The following SGCZ variants were observed in gnomAD, a reference collection of about 807,000 sequenced individuals.
The protein encoded by SGCZ is zeta-sarcoglycan.
Under a neutral mutation model 41.3 loss-of-function variants are expected in SGCZ, and 40 were observed. The ratio of observed to expected loss-of-function variants is 0.97; its 90% CI spans 0.75 to 1.26. The LOEUF is 1.26. SGCZ is among the 50% of genes most tolerant of loss of function. The pLI is 0.00. For synonymous variants in SGCZ, 206 were observed against 137.5 expected (o/e 1.50, Z -3.49); for missense variants, 552 against 369.8 (o/e 1.49, Z -4.04).
At chr8:14,580,658 G>A (rs1156545050) in intron 1 of SGCZ, among the ~76,000 whole-genome samples, 1 of 152,144 alleles carries the variant, frequency 6.6e-6, no homozygotes, top group Non-Finnish European at 1.5e-5. Flanking sequence ...CATGGATTAG[G>A]ACAAAATTAG....
At chr8:14,273,755 G>C (rs1186878354) in intron 3 of SGCZ, among the ~76,000 whole-genome samples, 1 of 152,062 alleles carries the variant, frequency 6.6e-6, no homozygotes, top group East Asian at 1.9e-4. Context: ...ATCCAATGCA[G>C]CCTAGATACT....
intron 3 of SGCZ, among the ~76,000 whole-genome samples, chr8:14,302,702 G>C (rs73666515): frequency 6.6e-6 from 1 of 152,058 alleles, no homozygotes; most frequent in African/African-American, 2.4e-5. Flanking sequence ...TGGGATTCAA[G>C]CTTCACCTGT....
chr8:14,301,117 C>T (rs1801171592), intron 3 of SGCZ, among the ~76,000 whole-genome samples: 1 of 151,830 alleles, frequency 6.6e-6, no homozygotes. Context: ...ATCCTCTCAT[C>T]CTTGTCACCT....
intron 1 of SGCZ, among the ~76,000 whole-genome samples, chr8:15,150,601 G>C (rs1799151423): frequency 6.6e-6 from 1 of 152,158 alleles, no homozygotes; most frequent in Non-Finnish European, 1.5e-5. Context: ...TACTTGAACT[G>C]AACAAGTATG....
At chr8:15,025,828 T>C (rs543921194) in intron 1 of SGCZ, among the ~76,000 whole-genome samples, 16 of 152,204 alleles carry the variant, frequency 1.1e-4, no homozygotes, top group Non-Finnish European at 1.9e-4. Flanking sequence ...ACTCTACATG[T>C]AAAGTAATCC....
chr8:15,077,506 GTCAA>G (rs752459669), intron 1 of SGCZ, among the ~76,000 whole-genome samples: 5 of 152,194 alleles, frequency 3.3e-5, no homozygotes, highest in African/African-American at 4.8e-5. Flanking sequence ...CCATATGGCA[GTCAA>G]TCAAAGAAAT....
chr8:14,541,854 G>T (rs141646285), intron 2 of SGCZ, among the ~76,000 whole-genome samples: 2 of 152,074 alleles, frequency 1.3e-5, no homozygotes, highest in African/African-American at 4.8e-5. Flanking sequence ...TCTCATTGTG[G>T]TTTTGATTTC....
At chr8:14,126,978 G>T (rs1802880830) in intron 5 of SGCZ, among the ~76,000 whole-genome samples, 1 of 151,958 alleles carries the variant, frequency 6.6e-6, no homozygotes, top group Admixed American at 6.6e-5. Flanking sequence ...GGGCCATCTG[G>T]GGGGTCAGGG....
At chr8:14,445,036 C>T (rs116753678) in intron 2 of SGCZ, among the ~76,000 whole-genome samples, 1,554 of 152,282 alleles carry the variant, frequency 0.01, 32 homozygotes, top group African/African-American at 0.035. Flanking sequence ...AGGATAGGTC[C>T]ATCTCAGCAC....
chr8:15,021,167 T>G (rs1050779080), intron 1 of SGCZ, among the ~76,000 whole-genome samples: 2 of 152,248 alleles, frequency 1.3e-5, no homozygotes, highest in African/African-American at 2.4e-5. Context: ...GCTAAAATGC[T>G]GCTGCACCTG....
intron 1 of SGCZ, among the ~76,000 whole-genome samples, chr8:15,107,587 G>A (rs964253861): frequency 1.3e-5 from 2 of 152,196 alleles, no homozygotes; most frequent in Non-Finnish European, 2.9e-5. Flanking sequence ...CAGAAGCCAA[G>A]CAATTGCCAG....
chr8:14,309,373 C>G (rs1801452245), intron 3 of SGCZ: 1 of 1,604,886 alleles, frequency 6.2e-7, no homozygotes, highest in South Asian at 1.1e-5. Flanking sequence ...TTACATTGAA[C>G]AGTCAGCAGA....
intron 1 of SGCZ, among the ~76,000 whole-genome samples, chr8:14,674,984 G>A (rs1808227696): frequency 8.1e-6 from 1 of 123,016 alleles, no homozygotes; most frequent in Non-Finnish European, 1.6e-5. Flanking sequence ...TGTCGTCCAG[G>A]CTGAAGTACA....
chr8:14,933,890 T>C (rs1440869441), intron 1 of SGCZ, among the ~76,000 whole-genome samples: 1 of 152,038 alleles, frequency 6.6e-6, no homozygotes, highest in African/African-American at 2.4e-5. Flanking sequence ...AATGGATGGG[T>C]GAACATTAAA....
At chr8:15,151,353 C>A (rs1799176027) in intron 1 of SGCZ, among the ~76,000 whole-genome samples, 1 of 152,210 alleles carries the variant, frequency 6.6e-6, no homozygotes, top group Non-Finnish European at 1.5e-5. Context: ...TTGTTCAAGC[C>A]ATTCAACTCT....
intron 1 of SGCZ, among the ~76,000 whole-genome samples, chr8:14,961,588 C>A (rs1352313151): frequency 1.7e-4 from 26 of 152,052 alleles, no homozygotes; most frequent in Non-Finnish European, 1.5e-5. Flanking sequence ...ATAAATTAAA[C>A]TTTATCACAT....
chr8:14,443,837 T>G (rs555191926), intron 2 of SGCZ, among the ~76,000 whole-genome samples: 3 of 152,250 alleles, frequency 2.0e-5, no homozygotes, highest in Admixed American at 6.5e-5. Context: ...AAAGAGCTTC[T>G]GCACAGCAAA....
chr8:14,563,199 G>T (rs778625493), intron 1 of SGCZ, among the ~76,000 whole-genome samples: 4 of 152,152 alleles, frequency 2.6e-5, no homozygotes, highest in Non-Finnish European at 5.9e-5. Context: ...GTGGATTTCA[G>T]TGTCTGAGAT....
chr8:14,438,370 TG>T (rs1393844674), intron 2 of SGCZ, among the ~76,000 whole-genome samples: 4 of 152,146 alleles, frequency 2.6e-5, no homozygotes, highest in Non-Finnish European at 5.9e-5. Flanking sequence ...TTAGACATGT[TG>T]GTCTTAGACG....
Sources: allele counts gnomAD v4.1 joint callset (sites outside exome capture counted in the v4.1 genomes callset), GRCh38; gene constraint gnomAD v4.1.1; transcripts MANE v1.5; gene names NCBI Gene and HGNC (gene_info 2026-07-23, HGNC 2026-07-21).